Variants in CTNNA2 observed in about 807,000 individuals in gnomAD.
CTNNA2 encodes catenin alpha-2.
In CTNNA2, 42 loss-of-function variants were observed where a neutral mutation model predicts 101.0. The ratio of observed to expected loss-of-function variants is 0.42; its 90% confidence interval spans 0.32 to 0.54. The LOEUF (loss-of-function observed/expected upper bound fraction) is 0.54. Among genes scored for constraint, CTNNA2 ranks in the 20% least tolerant of loss-of-function variants. CTNNA2 has a pLI of 0.14. For missense variants in CTNNA2, 871 were observed against 1,223.1 expected, an observed-to-expected ratio of 0.71 and a Z score of 4.29; for synonymous variants, 450 against 456.4, an observed-to-expected ratio of 0.99 and a Z score of 0.18.
chr2:79,664,878 A>AT (rs1682300297), intron 2 of CTNNA2, among the ~76,000 whole-genome samples: 2 of 151,630 alleles, frequency 1.3e-5, no homozygotes, highest in South Asian at 2.1e-4. Context: ...CGCCCGGCTA[A>AT]TTTTTTGTAT....
intron 9 of CTNNA2, among the ~76,000 whole-genome samples, chr2:80,522,482 G>A (rs1317706762): frequency 6.6e-6 from 1 of 152,160 alleles, no homozygotes; most frequent in African/African-American, 2.4e-5. Flanking sequence ...GGAATAAAGC[G>A]GTTGGAGATA....
intron 7 of CTNNA2, among the ~76,000 whole-genome samples, chr2:80,383,704 A>G (rs377597314): frequency 6.6e-6 from 1 of 152,150 alleles, no homozygotes; most frequent in Non-Finnish European, 1.5e-5. Context: ...TTGAGAAAAT[A>G]CAAATAGATT....
At chr2:80,525,800 A>G (rs1411636289) in intron 9 of CTNNA2, among the ~76,000 whole-genome samples, 1 of 152,136 alleles carries the variant, frequency 6.6e-6, no homozygotes, top group East Asian at 1.9e-4. Flanking sequence ...TGTAAGGATA[A>G]TGACTACCTT....
intron 7 of CTNNA2, among the ~76,000 whole-genome samples, chr2:80,117,382 C>A (rs1446139929): frequency 6.6e-6 from 1 of 151,542 alleles, no homozygotes; most frequent in Non-Finnish European, 1.5e-5. Context: ...CCTAGAGTTT[C>A]CCTGGCTTTT....
intron 7 of CTNNA2, among the ~76,000 whole-genome samples, chr2:80,137,515 C>T (rs544109447): frequency 6.6e-6 from 1 of 152,068 alleles, no homozygotes; most frequent in Admixed American, 6.6e-5. Flanking sequence ...AGACTTAAGA[C>T]TCCCTGGACT....
In CTNNA2 at chr2:80,378,313, G is replaced by A. The variant is rs577430983; in HGVS notation, c.1057-14898G>A. Among the ~76,000 whole-genome samples, 7 of 151,376 alleles carry A rather than the reference G, an allele frequency of 4.6e-5. No individual in the cohort carries two copies. In the East Asian group the frequency reaches 5.8e-4, roughly 13 times the overall value. On this transcript the variant is annotated intron_variant, in intron 7 of 18. Coordinates refer to ENST00000402739, the MANE Select transcript of CTNNA2 (RefSeq NM_001282597.3). The stretch of plus-strand genomic sequence containing the variant: ...GGAGCTTGCAGTGAGCAGAGATTGC[G>A]CCATTGTACTCCAGCCTGGGCAACA...
At chr2:79,373,172 G>T (rs987598922) in intron 3 of CTNNA2, among the ~76,000 whole-genome samples, 1 of 152,116 alleles carries the variant, frequency 6.6e-6, no homozygotes, top group Non-Finnish European at 1.5e-5. Context: ...AGCTATCACA[G>T]CTCAAAACTA....
At chr2:80,634,155 T>C (rs1407388614) in intron 18 of CTNNA2, among the ~76,000 whole-genome samples, 1 of 152,142 alleles carries the variant, frequency 6.6e-6, no homozygotes, top group Non-Finnish European at 1.5e-5. Flanking sequence ...TAGGCACTGT[T>C]TTAGATGTTT....
chr2:79,974,095 A>AT (rs549061365), intron 7 of CTNNA2, among the ~76,000 whole-genome samples: 40 of 151,754 alleles, frequency 2.6e-4, no homozygotes, highest in East Asian at 7.8e-4. Context: ...TCTTTTTGTC[A>AT]TTTTTTTTAA....
At chr2:80,589,607 T>C in intron 15 of CTNNA2, 122 bp downstream of exon 15, 2 of 867,036 alleles carry the variant, frequency 2.3e-6, no homozygotes, top group East Asian at 2.7e-5. Flanking sequence ...GGTGGTATTA[T>C]AAATTTACAT....
At chr2:79,415,144 G>A (rs990082843) in intron 4 of CTNNA2, among the ~76,000 whole-genome samples, 1 of 152,098 alleles carries the variant, frequency 6.6e-6, no homozygotes, top group Non-Finnish European at 1.5e-5. Flanking sequence ...ATGGCAATAG[G>A]TCCCTCATGA....
At chr2:79,363,566 A>G (rs1677678323) in intron 3 of CTNNA2, among the ~76,000 whole-genome samples, 1 of 151,298 alleles carries the variant, frequency 6.6e-6, no homozygotes, top group African/African-American at 2.4e-5. Context: ...CCCCCAGCAA[A>G]AAAAAAAAAA....
At chr2:80,525,510 C>G (rs1689958104) in intron 9 of CTNNA2, among the ~76,000 whole-genome samples, 1 of 152,140 alleles carries the variant, frequency 6.6e-6, no homozygotes, top group Non-Finnish European at 1.5e-5. Flanking sequence ...AGGAGCAGGA[C>G]TGGCCTCAGG....
intron 7 of CTNNA2, among the ~76,000 whole-genome samples, chr2:79,988,016 C>A (rs1033733998): frequency 6.6e-6 from 1 of 152,106 alleles, no homozygotes; most frequent in Non-Finnish European, 1.5e-5. Flanking sequence ...AAATGGAGTC[C>A]ATTAGTTCAT....
chr2:79,585,375 C>A (rs746553589), intron 1 of CTNNA2, among the ~76,000 whole-genome samples: 3 of 151,926 alleles, frequency 2.0e-5, no homozygotes, highest in African/African-American at 7.3e-5. Flanking sequence ...ATAACACTTC[C>A]AAGACAATGT....
chr2:79,807,067 C>G (rs1326524141), intron 3 of CTNNA2, among the ~76,000 whole-genome samples: 1 of 152,124 alleles, frequency 6.6e-6, no homozygotes, highest in African/African-American at 2.4e-5. Context: ...CTCCTTCACT[C>G]TTACACTTCC....
chr2:79,803,366 T>C (rs1255986032), intron 3 of CTNNA2, among the ~76,000 whole-genome samples: 1 of 152,184 alleles, frequency 6.6e-6, no homozygotes, highest in Non-Finnish European at 1.5e-5. Flanking sequence ...AAACAGAGAT[T>C]TACCCACATA....
intron 17 of CTNNA2, among the ~76,000 whole-genome samples, chr2:80,611,129 G>A (rs756480137): frequency 2.6e-5 from 4 of 151,376 alleles, no homozygotes; most frequent in Non-Finnish European, 4.4e-5. Flanking sequence ...GGGAGTAATG[G>A]AAAAGAAAAA....
At chr2:80,622,278 C>T (rs1671213249) in intron 18 of CTNNA2, among the ~76,000 whole-genome samples, 2 of 151,868 alleles carry the variant, frequency 1.3e-5, no homozygotes, top group South Asian at 2.1e-4. Context: ...CTCACAGCCA[C>T]AACTATGCAA....
Sources: gnomAD v4.1 joint callset for allele counts (sites outside exome capture counted in the v4.1 genomes callset) on GRCh38, gnomAD v4.1.1 for gene constraint, MANE v1.5 for transcripts, NCBI Gene and HGNC (gene_info 2026-07-23, HGNC 2026-07-21) for gene names.